Variants in CLEC16A observed in about 807,000 individuals in gnomAD.
CLEC16A encodes the protein C-type lectin domain containing 16A, also known as protein CLEC16A.
A neutral mutation model predicts 109.5 loss-of-function variants in CLEC16A; 51 were observed. The ratio of observed to expected loss-of-function variants is 0.47; its 90% CI spans 0.37 to 0.59. The LOEUF (loss-of-function observed/expected upper bound fraction) is 0.59. CLEC16A is among the 20% of genes least tolerant of loss of function. The probability of loss-of-function intolerance (pLI) is 0.00; values close to 1 mark genes in which losing one functional copy is unlikely to be tolerated. For missense variants in CLEC16A, 1,339 were observed against 1,394.0 expected (o/e 0.96, Z 0.63); for synonymous variants, 673 against 564.2 (o/e 1.19, Z -2.73).
At chr16:10,975,352 G>A (rs1461483684) in intron 7 of CLEC16A, among the ~76,000 whole-genome samples, 2 of 152,084 alleles carry the variant, frequency 1.3e-5, no homozygotes, top group Non-Finnish European at 2.9e-5. Context: ...AAACAGTGGA[G>A]GAGGCGAGTC....
chr16:11,170,789 G>A (rs779314750), intron 23 of CLEC16A, among the ~76,000 whole-genome samples: 1 of 152,238 alleles, frequency 6.6e-6, no homozygotes, highest in East Asian at 1.9e-4. Context: ...GATCTTGCAG[G>A]CAGGCGGGGT....
At chr16:11,133,213 C>T (rs1189485473) in intron 22 of CLEC16A, among the ~76,000 whole-genome samples, 5 of 152,084 alleles carry the variant, frequency 3.3e-5, no homozygotes, top group African/African-American at 7.2e-5. Flanking sequence ...GTGGCGGGCA[C>T]CTGTAGTCCC....
rs200389848 is a variant in CLEC16A, at chr16:11,039,792, G to A, written c.1576G>A (p.Val526Met). 101 of 1,608,184 alleles carry A rather than the reference G, an allele frequency of 6.3e-5. No individual in the cohort carries two copies. Among genetic ancestry groups the A allele is most frequent in the Non-Finnish European group, 7.6e-5 (89 of 1,177,546 alleles). ...AAAATTAGAGCGAATCCAGCTCCCC[G>A]TGCCAAATGCGGCCGAGAAGACCAC... ...PEKLERIQLP[V>M]PNAAEKTTYN... The change falls in exon 14 of 24, where the codon GTG becomes ATG. Residue 526 changes from valine (V) to methionine (M), a missense_variant. Physicochemically the swap from Val to Met is conservative, Grantham distance 21 (BLOSUM62 1). Coordinates refer to ENST00000409790, the MANE Select transcript of CLEC16A (RefSeq NM_015226.3).
intron 12 of CLEC16A, among the ~76,000 whole-genome samples, chr16:11,022,561 A>T (rs2046172497): frequency 6.6e-6 from 1 of 151,930 alleles, no homozygotes; most frequent in South Asian, 2.1e-4. Flanking sequence ...GACTGTTTTT[A>T]TATTCCCCAT....
chr16:11,120,813 C>G (rs201455904), intron 20 of CLEC16A, 47 bp downstream of exon 20: 1 of 314,606 alleles, frequency 3.2e-6, no homozygotes, highest in Non-Finnish European at 4.0e-6. Context: ...TGGCTACAAA[C>G]ACACACACAC....
intron 22 of CLEC16A, among the ~76,000 whole-genome samples, chr16:11,130,292 C>T (rs1268093153): frequency 1.3e-5 from 2 of 152,190 alleles, no homozygotes; most frequent in Non-Finnish European, 2.9e-5. Context: ...CATCAAAGGC[C>T]TTCTCCCTTC....
intron 19 of CLEC16A, among the ~76,000 whole-genome samples, chr16:11,113,294 C>T (rs999707068): frequency 1.3e-5 from 2 of 152,220 alleles, no homozygotes; most frequent in African/African-American, 2.4e-5. Context: ...TTGTGTAAAG[C>T]TGTGGAAAGA....
At chr16:11,080,474 AC>A (rs1296626341) in intron 19 of CLEC16A, among the ~76,000 whole-genome samples, 1 of 152,238 alleles carries the variant, frequency 6.6e-6, no homozygotes. Flanking sequence ...CAGTGAAGAC[AC>A]ACAGGTATGT....
At chr16:10,996,290 C>G (rs181850531) in intron 10 of CLEC16A, among the ~76,000 whole-genome samples, 1 of 152,312 alleles carries the variant, frequency 6.6e-6, no homozygotes, top group South Asian at 2.1e-4. Context: ...ACTGGCTGGC[C>G]GGGGACCACT....
intron 11 of CLEC16A, among the ~76,000 whole-genome samples, chr16:11,008,109 T>C (rs1256971784): frequency 6.6e-6 from 1 of 152,204 alleles, no homozygotes; most frequent in Non-Finnish European, 1.5e-5. Flanking sequence ...GTTTGCTTCT[T>C]GAAATTCTGC....
intron 19 of CLEC16A, among the ~76,000 whole-genome samples, chr16:11,072,803 T>G (rs187670897): frequency 6.6e-6 from 1 of 152,234 alleles, no homozygotes; most frequent in African/African-American, 2.4e-5. Flanking sequence ...CACTGAAATA[T>G]GTCTGTTCTC....
rs961667140 is a variant in CLEC16A, at chr16:11,174,583, A to C, written c.2807-3752A>C. 3.9e-5 allele frequency among the ~76,000 whole-genome samples: 6 copies of C among 152,226 alleles called. No homozygotes were observed. The highest frequency in any genetic ancestry group is 2.6e-4 in the Admixed American group (4 of 15,282). On this transcript the variant is annotated intron_variant, in intron 23 of 23. Coordinates refer to ENST00000409790, the MANE Select transcript of CLEC16A (RefSeq NM_015226.3). This position sits in a 1 kb window ranked among gnomAD's most constrained non-coding sequence, Gnocchi z 4.7. ...TGTCCTTCTCTGTGACATGTGCACC[A>C]GTGTCAGGCTCGGCCCGGGCCAGAA... is the stretch of plus-strand genomic sequence containing the variant.
intron 12 of CLEC16A, chr16:11,024,332 A>G (rs1184319274): frequency 6.4e-6 from 1 of 157,002 alleles, no homozygotes; most frequent in Non-Finnish European, 1.4e-5. Context: ...CTGAATAAAA[A>G]GCTAAGAAGA....
At chr16:11,115,434 T>G (rs1335358903) in intron 19 of CLEC16A, among the ~76,000 whole-genome samples, 1 of 152,238 alleles carries the variant, frequency 6.6e-6, no homozygotes, top group Admixed American at 6.5e-5. Context: ...TTCAGTGGTG[T>G]GATCACGGCT....
intron 16 of CLEC16A, among the ~76,000 whole-genome samples, chr16:11,044,723 G>T (rs1387451530): frequency 6.6e-6 from 1 of 151,560 alleles, no homozygotes; most frequent in Non-Finnish European, 1.5e-5. Context: ...CTGAGGTCGG[G>T]AGTTTAAGAC....
At chr16:11,096,862 A>G (rs1179742844) in intron 19 of CLEC16A, among the ~76,000 whole-genome samples, 5 of 152,196 alleles carry the variant, frequency 3.3e-5, no homozygotes, top group African/African-American at 1.2e-4. Context: ...TTCCTTATAA[A>G]TTTCAATACA....
chr16:11,165,272 C>G (rs920567443), intron 22 of CLEC16A, among the ~76,000 whole-genome samples: 1 of 151,924 alleles, frequency 6.6e-6, no homozygotes, highest in Admixed American at 6.5e-5. Context: ...AGGAGGATCA[C>G]TTGAGTCCAG....
intron 22 of CLEC16A, among the ~76,000 whole-genome samples, chr16:11,156,857 C>CCTGGATAG: frequency 6.6e-6 from 1 of 152,000 alleles, no homozygotes; most frequent in Non-Finnish European, 1.5e-5. Flanking sequence ...CCCTCTGTGG[C>CCTGGATAG]CTGGATAGGT....
rs965997864 is a variant in CLEC16A at position 11,049,306 on chromosome 16, A to AT, written c.1866+1975dup. ...CAGGCGTGAGCCACCGCACCTGGCA[A>AT]TTTTTTTTTTTAAATCCGTAAGGTG... On this transcript the variant is annotated intron_variant, in intron 17 of 23. Coordinates refer to ENST00000409790, the MANE Select transcript of CLEC16A (RefSeq NM_015226.3). Among the ~76,000 whole-genome samples the AT allele has an allele frequency of 7.4e-5, 11 of 149,006 alleles. No homozygotes were observed. In the East Asian group the frequency reaches 7.8e-4, roughly 11 times the overall value.
Sources: gnomAD v4.1 joint callset for allele counts (sites outside exome capture counted in the v4.1 genomes callset) on GRCh38, gnomAD v4.1.1 for gene constraint, Gnocchi (gnomAD v3.1) non-coding constraint, MANE v1.5 for transcripts, NCBI Gene and HGNC (gene_info 2026-07-23, HGNC 2026-07-21) for gene names.